Variants in NAV2 observed in about 807,000 individuals in gnomAD.
The protein encoded by NAV2 is neuron navigator 2.
A neutral mutation model predicts 223.2 loss-of-function variants in NAV2; 54 were observed. That is an observed-to-expected ratio of 0.24 (90% CI 0.19 to 0.30). The LOEUF (loss-of-function observed/expected upper bound fraction) is 0.30, where lower values mean the gene tolerates loss of function less well. Among genes scored for constraint, NAV2 ranks in the 10% least tolerant of loss-of-function variants. The probability of loss-of-function intolerance (pLI) is 1.00; values close to 1 mark genes in which losing one functional copy is unlikely to be tolerated. For missense variants in NAV2, 2,806 were observed against 3,147.5 expected (o/e 0.89, Z 2.60); for synonymous variants, 1,279 against 1,239.3 (o/e 1.03, Z -0.67).
intron 1 of NAV2, among the ~76,000 whole-genome samples, chr11:19,419,183 C>T (rs17508740): frequency 0.21 from 31,310 of 152,082 alleles, 3,313 homozygotes; most frequent in Middle Eastern, 0.3. Context: ...GCAAGTAGCT[C>T]ACCTTCTATG....
intron 1 of NAV2, among the ~76,000 whole-genome samples, chr11:19,755,589 C>T (rs902752927): frequency 6.6e-6 from 1 of 152,252 alleles, no homozygotes; most frequent in Non-Finnish European, 1.5e-5. Context: ...CTATGCTTCT[C>T]TCTTAGCTTC....
chr11:19,998,447 T>G lies in NAV2; in HGVS notation c.2768+14200T>G, dbSNP rs1284838577. Among the ~76,000 whole-genome samples the G allele has an allele frequency of 2.0e-5, 3 of 152,092 alleles. No individual in the cohort carries two copies. Among genetic ancestry groups the G allele is most frequent in the African/African-American group, 7.2e-5 (3 of 41,406 alleles). On this transcript the variant is annotated intron_variant, in intron 11 of 37. Transcript: ENST00000349880. This position sits in a 1 kb window ranked among gnomAD's most constrained non-coding sequence, Gnocchi z 5.0. ...CTCCACCCAGAAGCTATTGTAACCT[T>G]AACATATACATCAGATCTCCTCTGC...
chr11:19,398,920 C>T (rs555422851), intron 1 of NAV2, among the ~76,000 whole-genome samples: 5 of 152,274 alleles, frequency 3.3e-5, no homozygotes, highest in African/African-American at 4.8e-5. Flanking sequence ...TTGCTTAAGT[C>T]GCAGCTGGAG....
At chr11:19,478,060 G>A (rs2042170415) in intron 1 of NAV2, among the ~76,000 whole-genome samples, 1 of 152,174 alleles carries the variant, frequency 6.6e-6, no homozygotes, top group Non-Finnish European at 1.5e-5. Flanking sequence ...CCTTCAAAAT[G>A]CTCAAAGAGC....
At chr11:19,515,299 A>G (rs1208011166) in intron 1 of NAV2, among the ~76,000 whole-genome samples, 1 of 152,168 alleles carries the variant, frequency 6.6e-6, no homozygotes, top group Non-Finnish European at 1.5e-5. Flanking sequence ...CTCTTTTTCC[A>G]TCTATAAAAT....
chr11:19,959,603 A>G (rs1392430033), intron 10 of NAV2, among the ~76,000 whole-genome samples: 1 of 152,230 alleles, frequency 6.6e-6, no homozygotes, highest in Non-Finnish European at 1.5e-5. Flanking sequence ...CCTCATAATG[A>G]GGGTGTTTCC....
At chr11:19,965,876 G>A (rs1299548363) in intron 10 of NAV2, among the ~76,000 whole-genome samples, 1 of 152,220 alleles carries the variant, frequency 6.6e-6, no homozygotes, top group Non-Finnish European at 1.5e-5. Flanking sequence ...AAACAGCAGG[G>A]CTGGCATTGA....
Position 20,103,284 on chromosome 11 carries a change from T to C in NAV2, c.6447T>C (p.Ala2149=). The change falls in exon 33 of 38, where the codon GCT becomes GCC. Residue 2149 remains alanine, a synonymous_variant. Coordinates refer to ENST00000349880, the MANE Select transcript of NAV2 (RefSeq NM_145117.5). ...TGCGCCAGTACCTGTCCAACCTTGCTGACCAGTGCAACAGTGAGAACAATG... is the reference window on the plus strand; with the variant it reads ...TGCGCCAGTACCTGTCCAACCTTGCCGACCAGTGCAACAGTGAGAACAATG... ...KELRQYLSNL[A]DQCNSENNAV... The C allele has an allele frequency of 1.2e-6, 2 of 1,614,150 alleles. 1 individual carries two copies. Among genetic ancestry groups the C allele is most frequent in the South Asian group, 2.2e-5 (2 of 91,080 alleles).
intron 1 of NAV2, among the ~76,000 whole-genome samples, chr11:19,542,060 G>A (rs372702475): frequency 6.6e-6 from 1 of 152,222 alleles, no homozygotes; most frequent in Admixed American, 6.5e-5. Context: ...CTTAGAGGTC[G>A]GCAAAGCCCA....
intron 1 of NAV2, among the ~76,000 whole-genome samples, chr11:19,547,494 C>T (rs570345390): frequency 6.6e-6 from 1 of 152,184 alleles, no homozygotes; most frequent in Non-Finnish European, 1.5e-5. Flanking sequence ...TTCCATCCCC[C>T]CTTGGCTGCA....
At chr11:19,553,523 CT>C (rs1398745627) in intron 1 of NAV2, among the ~76,000 whole-genome samples, 2 of 123,040 alleles carry the variant, frequency 1.6e-5, no homozygotes, top group African/African-American at 7.8e-5. Context: ...ACACACACAC[CT>C]CTCTCCCCTC....
intron 6 of NAV2, among the ~76,000 whole-genome samples, chr11:19,898,415 A>G (rs183098700): frequency 4.1e-4 from 63 of 152,320 alleles, no homozygotes; most frequent in African/African-American, 1.4e-3. Context: ...TTTATAAGTA[A>G]TTATTCTTCA....
At chr11:19,611,866 G>A (rs1411794564) in intron 1 of NAV2, among the ~76,000 whole-genome samples, 2 of 152,188 alleles carry the variant, frequency 1.3e-5, no homozygotes, top group African/African-American at 4.8e-5. Flanking sequence ...AGCTACACTA[G>A]GCAGTGCCCC....
At chr11:19,958,874 G>T (rs1049565949) in intron 10 of NAV2, among the ~76,000 whole-genome samples, 4 of 152,244 alleles carry the variant, frequency 2.6e-5, no homozygotes, top group African/African-American at 9.6e-5. Context: ...TTGGGAGGCA[G>T]TGGGCTCAGG....
intron 1 of NAV2, among the ~76,000 whole-genome samples, chr11:19,784,091 T>A (rs1352594966): frequency 6.6e-6 from 1 of 152,078 alleles, no homozygotes; most frequent in Non-Finnish European, 1.5e-5. Context: ...GTAGGATGGT[T>A]AAGAGGGGCT....
At chr11:19,629,411 CT>C (rs1225803254) in intron 1 of NAV2, among the ~76,000 whole-genome samples, 2 of 152,102 alleles carry the variant, frequency 1.3e-5, no homozygotes, top group Non-Finnish European at 2.9e-5. Flanking sequence ...AATTGTGCCT[CT>C]CTCCTAAAAG....
intron 28 of NAV2, among the ~76,000 whole-genome samples, chr11:20,092,811 C>T (rs898434366): frequency 1.3e-5 from 2 of 152,168 alleles, no homozygotes; most frequent in Non-Finnish European, 2.9e-5. Flanking sequence ...AAGGCTGATG[C>T]TTTTATTTTT....
intron 1 of NAV2, among the ~76,000 whole-genome samples, chr11:19,580,997 T>G (rs1025146635): frequency 6.6e-6 from 1 of 152,232 alleles, no homozygotes; most frequent in Non-Finnish European, 1.5e-5. Context: ...TTTGGCTGGA[T>G]GTGTATTTCT....
chr11:19,948,567 G>A, intron 9 of NAV2, 124 bp from the exon 10 acceptor site: 6 of 1,030,512 alleles, frequency 5.8e-6, no homozygotes, highest in Non-Finnish European at 7.9e-6. Flanking sequence ...GGTACATGGG[G>A]GCTGGCTGTT....
Sources: allele counts gnomAD v4.1 joint callset (sites outside exome capture counted in the v4.1 genomes callset), GRCh38; gene constraint gnomAD v4.1.1; non-coding constraint Gnocchi (gnomAD v3.1); transcripts MANE v1.5; gene names NCBI Gene and HGNC (gene_info 2026-07-23, HGNC 2026-07-21).